Variants in SLC25A21 observed in about 807,000 individuals in gnomAD.
SLC25A21 encodes the protein mitochondrial 2-oxodicarboxylate carrier.
In SLC25A21, 47 loss-of-function variants were observed where a neutral mutation model predicts 43.8. The ratio of observed to expected loss-of-function variants is 1.07; its 90% CI spans 0.85 to 1.37. SLC25A21 has a LOEUF of 1.37. Ranked by LOEUF, SLC25A21 falls within the 40% of genes most tolerant of loss-of-function variation. SLC25A21 has a pLI of 0.00. For synonymous variants in SLC25A21, 131 were observed against 121.3 expected, an observed-to-expected ratio of 1.08 and a Z score of -0.52; for missense variants, 352 against 350.2, an observed-to-expected ratio of 1.00 and a Z score of -0.04.
intron 1 of SLC25A21, among the ~76,000 whole-genome samples, chr14:36,890,105 T>C (rs1891034719): frequency 6.6e-6 from 1 of 152,054 alleles, no homozygotes; most frequent in South Asian, 2.1e-4. Context: ...GTTGTCAACC[T>C]AGAGTGAGGA....
intron 2 of SLC25A21, among the ~76,000 whole-genome samples, chr14:36,865,235 C>T (rs192509546): frequency 2.0e-3 from 310 of 152,022 alleles, no homozygotes; most frequent in African/African-American, 7.2e-3. Flanking sequence ...GGGCTCCCCA[C>T]AAAGCAGCCT....
At chr14:37,079,026 A>G (rs944675274) in intron 1 of SLC25A21, among the ~76,000 whole-genome samples, 4 of 152,118 alleles carry the variant, frequency 2.6e-5, no homozygotes, top group East Asian at 3.9e-4. Flanking sequence ...TCCTTAAAAA[A>G]CTTTTTAAAG....
intron 7 of SLC25A21, among the ~76,000 whole-genome samples, chr14:36,706,477 C>T (rs932007229): frequency 6.6e-6 from 1 of 152,136 alleles, no homozygotes; most frequent in Admixed American, 6.5e-5. Context: ...TCCAGCTCAG[C>T]TTTTTCCTCA....
chr14:36,899,877 G>C (rs532624339), intron 1 of SLC25A21, among the ~76,000 whole-genome samples: 2 of 152,238 alleles, frequency 1.3e-5, no homozygotes, highest in East Asian at 3.9e-4. Context: ...CATGTTTTCT[G>C]TTTTACCTTA....
chr14:36,798,054 G>A (rs1887734743), intron 3 of SLC25A21, among the ~76,000 whole-genome samples: 1 of 152,144 alleles, frequency 6.6e-6, no homozygotes, highest in Admixed American at 6.6e-5. Context: ...ATAAATGATG[G>A]TTCATATAGT....
chr14:37,154,680 T>C (rs1190956233), intron 1 of SLC25A21, among the ~76,000 whole-genome samples: 1 of 151,648 alleles, frequency 6.6e-6, no homozygotes, highest in East Asian at 1.9e-4. Flanking sequence ...TTCACTCTTG[T>C]TCCCCAGGCT....
intron 1 of SLC25A21, among the ~76,000 whole-genome samples, chr14:36,946,632 C>T (rs1305438111): frequency 6.6e-6 from 1 of 152,096 alleles, no homozygotes; most frequent in Non-Finnish European, 1.5e-5. Flanking sequence ...AACTTTTCTT[C>T]CCTAAATAAT....
At chr14:36,831,794 T>G (rs1889049699) in intron 2 of SLC25A21, among the ~76,000 whole-genome samples, 1 of 152,204 alleles carries the variant, frequency 6.6e-6, no homozygotes, top group East Asian at 1.9e-4. Flanking sequence ...AATGAAGATG[T>G]CATGCCTACA....
At chr14:37,003,123 A>G (rs1466922102) in intron 1 of SLC25A21, among the ~76,000 whole-genome samples, 1 of 152,220 alleles carries the variant, frequency 6.6e-6, no homozygotes, top group African/African-American at 2.4e-5. Context: ...TCTTTTTCCT[A>G]TACATACATA....
chr14:36,803,301 G>A (rs1168043241), intron 3 of SLC25A21, among the ~76,000 whole-genome samples: 1 of 152,090 alleles, frequency 6.6e-6, no homozygotes, highest in Non-Finnish European at 1.5e-5. Context: ...TACACATGAA[G>A]CCAGGTCTCT....
At chr14:37,106,437 T>C (rs1962914616) in intron 1 of SLC25A21, among the ~76,000 whole-genome samples, 1 of 151,978 alleles carries the variant, frequency 6.6e-6, no homozygotes. Context: ...AGGACTGAGA[T>C]ATACACCCTG....
chr14:36,736,229 C>T (rs1166559180), intron 3 of SLC25A21, among the ~76,000 whole-genome samples: 1 of 152,058 alleles, frequency 6.6e-6, no homozygotes, highest in Non-Finnish European at 1.5e-5. Context: ...GCCACCGTGC[C>T]CAGCCTGCCC....
At chr14:36,742,940 TTAGTA>T (rs1434735906) in intron 3 of SLC25A21, among the ~76,000 whole-genome samples, 5 of 152,176 alleles carry the variant, frequency 3.3e-5, no homozygotes, top group Admixed American at 2.6e-4. Context: ...AACTGTATGT[TTAGTA>T]TGATTTTACC....
chr14:37,094,915 C>T lies in SLC25A21; in HGVS notation c.70+77366G>A, dbSNP rs191959158. Among the ~76,000 whole-genome samples the T allele has an allele frequency of 3.3e-5, 5 of 152,202 alleles. No homozygotes were observed. The East Asian group carries it at 5.8e-4, about 18-fold the overall frequency. ...ACAACATGGTGGCTATAGTTAATAG[C>T]AGTGCATTGTGTTTTTGAAAATTGC... is the stretch of plus-strand genomic sequence containing the variant. On this transcript the variant is annotated intron_variant, in intron 1 of 9. Transcript: ENST00000331299.
chr14:36,955,203 T>G (rs1959302725), intron 1 of SLC25A21, among the ~76,000 whole-genome samples: 1 of 152,172 alleles, frequency 6.6e-6, no homozygotes, highest in African/African-American at 2.4e-5. Flanking sequence ...AAGATGGACA[T>G]GGTAAAATTC....
intron 1 of SLC25A21, among the ~76,000 whole-genome samples, chr14:37,037,751 A>G (rs1433819668): frequency 6.6e-6 from 1 of 152,086 alleles, no homozygotes; most frequent in African/African-American, 2.4e-5. Flanking sequence ...TACATTCCCC[A>G]GCCCAGAAGT....
At chr14:37,050,962 G>A (rs927079174) in intron 1 of SLC25A21, among the ~76,000 whole-genome samples, 16 of 152,152 alleles carry the variant, frequency 1.1e-4, no homozygotes, top group African/African-American at 3.9e-4. Flanking sequence ...TACTTTTCAG[G>A]TTAATACATC....
chr14:37,043,613 C>T (rs2138787141), intron 1 of SLC25A21, among the ~76,000 whole-genome samples: 1 of 152,300 alleles, frequency 6.6e-6, no homozygotes, highest in Non-Finnish European at 1.5e-5. Flanking sequence ...GCCCTAGTCT[C>T]CATCCCTTAC....
intron 2 of SLC25A21, among the ~76,000 whole-genome samples, chr14:36,833,584 G>C (rs748204171): frequency 6.6e-6 from 1 of 152,218 alleles, no homozygotes; most frequent in Non-Finnish European, 1.5e-5. Context: ...TAGTTGATGT[G>C]TATCTACTTA....
Sources: gnomAD v4.1 joint callset for allele counts (sites outside exome capture counted in the v4.1 genomes callset) on GRCh38, gnomAD v4.1.1 for gene constraint, MANE v1.5 for transcripts, NCBI Gene and HGNC (gene_info 2026-07-23, HGNC 2026-07-21) for gene names.